Variants in RARB observed in about 807,000 individuals in gnomAD.
RARB encodes the protein HBV-activated protein.
In RARB, 17 loss-of-function variants were observed where a neutral mutation model predicts 51.9. The ratio of observed to expected loss-of-function variants is 0.33; its 90% CI spans 0.22 to 0.49. The LOEUF is 0.49. Among genes scored for constraint, RARB ranks in the 20% least tolerant of loss-of-function variants. The pLI, the probability that RARB is intolerant of heterozygous loss-of-function variation, is 0.99. For synonymous variants in RARB, 215 were observed against 195.4 expected (o/e 1.10, Z -0.84); for missense variants, 369 against 550.8 (o/e 0.67, Z 3.30).
intron 2 of RARB, among the ~76,000 whole-genome samples, chr3:24,985,620 T>C (rs985114897): frequency 6.6e-6 from 1 of 152,202 alleles, no homozygotes; most frequent in Non-Finnish European, 1.5e-5. Flanking sequence ...TGGCAAAGTA[T>C]AAAGAATAGA....
At chr3:25,554,448 C>T (rs986910965) in intron 3 of RARB, among the ~76,000 whole-genome samples, 4 of 151,974 alleles carry the variant, frequency 2.6e-5, no homozygotes, top group African/African-American at 7.3e-5. Flanking sequence ...CAGCCCTGTG[C>T]GTTTGTTGAC....
chr3:25,504,979 A>T (rs1640556946), intron 3 of RARB, among the ~76,000 whole-genome samples: 1 of 152,016 alleles, frequency 6.6e-6, no homozygotes, highest in Non-Finnish European at 1.5e-5. Context: ...GCTATTCATC[A>T]TGTTGGCCAG....
intron 3 of RARB, among the ~76,000 whole-genome samples, chr3:25,131,524 C>T (rs1011192478): frequency 3.3e-5 from 5 of 151,950 alleles, no homozygotes; most frequent in African/African-American, 1.2e-4. Flanking sequence ...TAATTAGCTT[C>T]AACATACCAG....
intron 4 of RARB, among the ~76,000 whole-genome samples, chr3:25,157,384 A>G (rs1256274136): frequency 1.3e-4 from 14 of 104,208 alleles, no homozygotes; most frequent in South Asian, 4.3e-4. Flanking sequence ...GTGTGTGTAT[A>G]TATATGGTTT....
chr3:24,885,008 C>T (rs1703241711), intron 2 of RARB, among the ~76,000 whole-genome samples: 1 of 152,114 alleles, frequency 6.6e-6, no homozygotes, highest in Non-Finnish European at 1.5e-5. Context: ...GTAATGACTC[C>T]AGGCGAAGAA....
chr3:24,831,283 G>A (rs1386661948), intron 1 of RARB, among the ~76,000 whole-genome samples: 1 of 152,158 alleles, frequency 6.6e-6, no homozygotes, highest in African/African-American at 2.4e-5. Flanking sequence ...GGCTTTACAA[G>A]AACTTCAGTA....
intron 2 of RARB, among the ~76,000 whole-genome samples, chr3:25,468,871 A>T (rs919336193): frequency 7.2e-5 from 11 of 152,140 alleles, no homozygotes; most frequent in Non-Finnish European, 1.3e-4. Context: ...GATGGGTGGA[A>T]ACTTCCTATC....
At chr3:24,931,403 T>A (rs2363528) in intron 2 of RARB, among the ~76,000 whole-genome samples, 79,406 of 151,664 alleles carry the variant, frequency 0.52, 21,550 homozygotes, top group East Asian at 0.71. Flanking sequence ...TACTTCCCCT[T>A]TAGCTAGGGT....
At chr3:24,853,181 G>A (rs1043125395) in intron 1 of RARB, among the ~76,000 whole-genome samples, 1 of 151,820 alleles carries the variant, frequency 6.6e-6, no homozygotes, top group East Asian at 1.9e-4. Flanking sequence ...GCCAGGCATG[G>A]TGGCAGGCAC....
At chr3:24,958,263 T>TG (rs1559411513) in intron 2 of RARB, among the ~76,000 whole-genome samples, 1 of 118,486 alleles carries the variant, frequency 8.4e-6, no homozygotes, top group Non-Finnish European at 1.6e-5. Context: ...AGGTTTTTTT[T>TG]TTTTTTTTTT....
intron 4 of RARB, among the ~76,000 whole-genome samples, chr3:25,170,574 G>A (rs1334586030): frequency 6.6e-6 from 1 of 152,144 alleles, no homozygotes; most frequent in Non-Finnish European, 1.5e-5. Context: ...CGTGTTGTAA[G>A]TATTATGTTT....
chr3:25,020,144 TA>T (rs1457776303), intron 2 of RARB: 5 of 21,552 alleles, frequency 2.3e-4, no homozygotes, highest in East Asian at 1.4e-3. Flanking sequence ...TTATTATTAT[TA>T]TTATTATTAT....
intron 2 of RARB, among the ~76,000 whole-genome samples, chr3:24,972,184 A>T (rs1014675787): frequency 4.0e-5 from 6 of 151,190 alleles, no homozygotes; most frequent in African/African-American, 1.5e-4. Context: ...CCACCAACCT[A>T]CTCTCTTTTC....
At chr3:25,485,170 A>G (rs1445126132) in intron 2 of RARB, among the ~76,000 whole-genome samples, 1 of 152,254 alleles carries the variant, frequency 6.6e-6, no homozygotes, top group Non-Finnish European at 1.5e-5. Context: ...ACAATTAGGA[A>G]TTGTACATAG....
chr3:25,085,448 A>G (rs755093479), intron 3 of RARB, among the ~76,000 whole-genome samples: 9 of 152,042 alleles, frequency 5.9e-5, no homozygotes, highest in Non-Finnish European at 8.8e-5. Flanking sequence ...GTTTGGGGGA[A>G]TTCTTGGTCT....
intron 2 of RARB, among the ~76,000 whole-genome samples, chr3:25,003,280 C>T (rs1045031623): frequency 3.3e-5 from 5 of 151,946 alleles, no homozygotes; most frequent in Admixed American, 2.0e-4. Flanking sequence ...GCAGAACAGC[C>T]ATGCTGTTTA....
intron 5 of RARB, among the ~76,000 whole-genome samples, chr3:25,417,573 G>T (rs1020189285): frequency 6.6e-6 from 1 of 152,180 alleles, no homozygotes; most frequent in Non-Finnish European, 1.5e-5. Context: ...GCCACCATGT[G>T]AGATGTGCCT....
intron 5 of RARB, among the ~76,000 whole-genome samples, chr3:25,202,275 G>A (rs552514667): frequency 1.4e-4 from 21 of 152,048 alleles, no homozygotes; most frequent in African/African-American, 4.6e-4. Flanking sequence ...GGGATTGGTG[G>A]TGATATCCCC....
intron 3 of RARB, among the ~76,000 whole-genome samples, chr3:25,524,430 G>A (rs1241352755): frequency 6.6e-6 from 1 of 152,158 alleles, no homozygotes; most frequent in African/African-American, 2.4e-5. Flanking sequence ...ACAGACATTA[G>A]GGTTAGATTT....
Sources: gnomAD v4.1 joint callset for allele counts (sites outside exome capture counted in the v4.1 genomes callset) on GRCh38, gnomAD v4.1.1 for gene constraint, MANE v1.5 for transcripts, NCBI Gene and HGNC (gene_info 2026-07-23, HGNC 2026-07-21) for gene names.